Variants in SLC4A10 observed in about 807,000 individuals in gnomAD.
SLC4A10 encodes solute carrier family 4 member 10, also known as sodium-driven chloride bicarbonate exchanger.
A neutral mutation model predicts 137.7 loss-of-function variants in SLC4A10; 42 were observed. The ratio of observed to expected loss-of-function variants is 0.30; its 90% CI spans 0.24 to 0.39. The LOEUF is 0.39. Ranked by LOEUF, SLC4A10 falls within the 10% of genes least tolerant of loss-of-function variation. The pLI is 1.00. For missense variants in SLC4A10, 925 were observed against 1,355.0 expected, an observed-to-expected ratio of 0.68 and a Z score of 4.98; for synonymous variants, 474 against 464.1, an observed-to-expected ratio of 1.02 and a Z score of -0.27.
chr2:161,683,848 A>G (rs2041117344), intron 1 of SLC4A10, among the ~76,000 whole-genome samples: 1 of 152,178 alleles, frequency 6.6e-6, no homozygotes, highest in South Asian at 2.1e-4. Flanking sequence ...TAGAAATGAA[A>G]ACCACATTCC....
chr2:161,932,195 A>C (rs891146583), intron 15 of SLC4A10, among the ~76,000 whole-genome samples: 2 of 152,214 alleles, frequency 1.3e-5, no homozygotes, highest in South Asian at 2.1e-4. Flanking sequence ...ACTGGCTTAC[A>C]GACTGAGGTT....
chr2:161,924,087 T>G (rs1397411415), intron 15 of SLC4A10, among the ~76,000 whole-genome samples: 1 of 152,134 alleles, frequency 6.6e-6, no homozygotes, highest in East Asian at 1.9e-4. Context: ...TTTGATGAGA[T>G]TAACAAAAAA....
At chr2:161,871,718 T>A (rs1398811696) in intron 6 of SLC4A10, among the ~76,000 whole-genome samples, 1 of 152,258 alleles carries the variant, frequency 6.6e-6, no homozygotes, top group East Asian at 1.9e-4. Context: ...CATAAAATCA[T>A]ATCCATAGTG....
rs569828486 is a variant in SLC4A10 at position 161,649,196 on chromosome 2, C to T, written c.48+24630C>T. 8.5e-5 allele frequency among the ~76,000 whole-genome samples: 13 copies of T among 152,154 alleles called. No individual in the cohort carries two copies. In the South Asian group the frequency reaches 2.1e-3, roughly 24 times the overall value. The stretch of plus-strand genomic sequence containing the variant: ...AGCGTGGGCAACAAAGTGACACCAC[C>T]GTTTCTACAAAAAATACAGAAAATT... On this transcript the variant is annotated intron_variant, in intron 1 of 26. Transcript: ENST00000446997.
At chr2:161,710,246 A>G (rs1191174537) in intron 1 of SLC4A10, among the ~76,000 whole-genome samples, 1 of 151,720 alleles carries the variant, frequency 6.6e-6, no homozygotes, top group Non-Finnish European at 1.5e-5. Context: ...GCAACAAAAT[A>G]TGTCTAATCT....
intron 1 of SLC4A10, among the ~76,000 whole-genome samples, chr2:161,637,132 A>AATACGTATATACGTATATGTAT (rs2034564352): frequency 7.1e-6 from 1 of 140,066 alleles, no homozygotes; most frequent in Non-Finnish European, 1.6e-5. Flanking sequence ...TATATACATA[A>AATACGTATATACGTATATGTAT]ATACGTATTT....
intron 2 of SLC4A10, among the ~76,000 whole-genome samples, chr2:161,791,775 T>G (rs530025068): frequency 1.3e-5 from 2 of 152,202 alleles, no homozygotes; most frequent in South Asian, 4.1e-4. Context: ...TCTGATATTT[T>G]GTTTGTTTGA....
At chr2:161,644,317 G>C (rs60806679) in intron 1 of SLC4A10, among the ~76,000 whole-genome samples, 1 of 151,932 alleles carries the variant, frequency 6.6e-6, no homozygotes, top group Non-Finnish European at 1.5e-5. Flanking sequence ...GCAACACAGC[G>C]AGGACCCATC....
At chr2:161,944,746 C>G (rs1206230956) in intron 16 of SLC4A10, among the ~76,000 whole-genome samples, 1 of 151,512 alleles carries the variant, frequency 6.6e-6, no homozygotes, top group Non-Finnish European at 1.5e-5. Context: ...AGAGGGAATA[C>G]TATATAATGA....
chr2:161,624,678 C>A, intron 1 of SLC4A10, 112 bp downstream of exon 1: 1 of 1,415,818 alleles, frequency 7.1e-7, no homozygotes, highest in South Asian at 1.3e-5. Context: ...GTGGATAGCT[C>A]CTACGACATA....
rs2060030495 is a variant in SLC4A10 at position 161,855,146 on chromosome 2, C to T, written c.577+16C>T. Reference sequence around the variant, plus strand: ...GAAATTGCAGGTATATCTTTTCCCCCTTAGTGTATTTTATAGGTACAGCTA... The same window carrying T: ...GAAATTGCAGGTATATCTTTTCCCCTTTAGTGTATTTTATAGGTACAGCTA... On this transcript the variant is annotated intron_variant, in intron 5 of 26. Transcript: ENST00000446997. 2.5e-6 allele frequency: 4 copies of T among 1,595,218 alleles called. No individual in the cohort carries two copies. The highest frequency in any genetic ancestry group is 4.5e-5 in the East Asian group (2 of 44,302).
chr2:161,669,297 A>C (rs1490967364), intron 1 of SLC4A10, among the ~76,000 whole-genome samples: 2 of 151,872 alleles, frequency 1.3e-5, no homozygotes, highest in Non-Finnish European at 2.9e-5. Flanking sequence ...ATGCAGGAAC[A>C]GTGAAGGATA....
At chr2:161,775,776 A>C (rs977657361) in intron 2 of SLC4A10, among the ~76,000 whole-genome samples, 1 of 151,906 alleles carries the variant, frequency 6.6e-6, no homozygotes, top group African/African-American at 2.4e-5. Flanking sequence ...GGCACTTTTT[A>C]AAATTTAATG....
intron 23 of SLC4A10, among the ~76,000 whole-genome samples, chr2:161,970,389 T>C (rs1271416382): frequency 6.6e-6 from 1 of 152,212 alleles, no homozygotes; most frequent in Non-Finnish European, 1.5e-5. Context: ...CTTATGGTTT[T>C]CAAAGATTAT....
intron 1 of SLC4A10, among the ~76,000 whole-genome samples, chr2:161,657,143 ATTTG>A (rs755651680): frequency 2.6e-5 from 4 of 151,922 alleles, no homozygotes; most frequent in Non-Finnish European, 4.4e-5. Flanking sequence ...CCTTCTGAAT[ATTTG>A]TTTGTTATTA....
At chr2:161,806,396 A>G (rs2055963908) in intron 3 of SLC4A10, among the ~76,000 whole-genome samples, 1 of 152,082 alleles carries the variant, frequency 6.6e-6, no homozygotes, top group African/African-American at 2.4e-5. Flanking sequence ...CTCCTCAGAA[A>G]ATGGAATTTT....
In SLC4A10 at chr2:161,954,101, C is replaced by T. The variant is rs377245092; in HGVS notation, c.2542-2888C>T. On this transcript the variant is annotated intron_variant, in intron 19 of 26. Transcript: ENST00000446997. ...TTTTTAATAAACAGCAATACAATCC[C>T]GGATCACTTGAGTAAATGAATGCAT... Among the ~76,000 whole-genome samples the T allele has an allele frequency of 2.6e-5, 4 of 152,250 alleles. No homozygotes were observed. The South Asian group carries it at 8.3e-4, about 32-fold the overall frequency.
At chr2:161,848,951 G>T (rs1211495884) in intron 4 of SLC4A10, among the ~76,000 whole-genome samples, 1 of 152,012 alleles carries the variant, frequency 6.6e-6, no homozygotes, top group African/African-American at 2.4e-5. Context: ...AAATGTTATT[G>T]GTAGGTTGAT....
At position 161,957,102 on chromosome 2, in the gene SLC4A10, C is replaced by T. The variant is rs774346780; in HGVS notation, c.2655C>T (p.Val885=). 1 of 1,613,624 alleles carries T rather than the reference C, an allele frequency of 6.2e-7. No individual in the cohort carries two copies. The highest frequency in any genetic ancestry group is 1.1e-5 in the South Asian group (1 of 91,020). The change falls in exon 20 of 27, where the codon GTC becomes GTT. Residue 885 remains valine (V), a synonymous_variant. Coordinates refer to ENST00000446997, the MANE Select transcript of SLC4A10 (RefSeq NM_001178015.2). ...CCACAGTCCTCTCCATCACTCATGTCAATAGCCTAAAACTGGAATCAGAAT... is the reference window on the plus strand; with the variant it reads ...CCACAGTCCTCTCCATCACTCATGTTAATAGCCTAAAACTGGAATCAGAAT... ...VAATVLSITH[V]NSLKLESECS...
Sources: allele counts gnomAD v4.1 joint callset (sites outside exome capture counted in the v4.1 genomes callset), GRCh38; gene constraint gnomAD v4.1.1; transcripts MANE v1.5; gene names NCBI Gene and HGNC (gene_info 2026-07-23, HGNC 2026-07-21).